Variants in SIL1 observed in about 807,000 individuals in gnomAD.
SIL1 encodes nucleotide exchange factor SIL1.
In SIL1, 40 loss-of-function variants were observed where a neutral mutation model predicts 49.1. The observed-to-expected ratio is 0.81, with a 90% CI of 0.63 to 1.06. The LOEUF (loss-of-function observed/expected upper bound fraction) is 1.06, where lower values mean the gene tolerates loss of function less well. SIL1 is among the 50% of genes least tolerant of loss of function. The pLI, the probability that SIL1 is intolerant of heterozygous loss-of-function variation, is 0.00. For synonymous variants in SIL1, 253 were observed against 250.8 expected (o/e 1.01, Z -0.08); for missense variants, 500 against 572.6 (o/e 0.87, Z 1.29).
chr5:138,989,127 T>C (rs969061680), intron 7 of SIL1, among the ~76,000 whole-genome samples: 4 of 152,220 alleles, frequency 2.6e-5, no homozygotes, highest in Non-Finnish European at 5.9e-5. Context: ...TTTTGAGCCA[T>C]GTGACTGTAT....
At chr5:139,036,925 A>C (rs1402177805) in intron 5 of SIL1, among the ~76,000 whole-genome samples, 2 of 152,132 alleles carry the variant, frequency 1.3e-5, no homozygotes, top group African/African-American at 4.8e-5. Flanking sequence ...TATTCATTAC[A>C]TTGTTCTTTC....
intron 7 of SIL1, among the ~76,000 whole-genome samples, chr5:138,969,459 T>A (rs1767225006): frequency 6.6e-6 from 1 of 152,234 alleles, no homozygotes; most frequent in African/African-American, 2.4e-5. Flanking sequence ...TTTCCATGCC[T>A]CTGTCAGGTC....
chr5:139,013,721 AAG>A (rs1408544414), intron 7 of SIL1: 1 of 152,348 alleles, frequency 6.6e-6, no homozygotes, highest in South Asian at 2.1e-4. Flanking sequence ...TATTTGAACT[AAG>A]AGAGTTTCTT....
At chr5:139,041,040 C>T (rs760059162) in intron 5 of SIL1, among the ~76,000 whole-genome samples, 1 of 152,128 alleles carries the variant, frequency 6.6e-6, no homozygotes. Context: ...ATCAGTCCCA[C>T]ATGGAACCGA....
chr5:139,015,515 C>G (rs527286486), intron 7 of SIL1, among the ~76,000 whole-genome samples: 3 of 152,162 alleles, frequency 2.0e-5, no homozygotes, highest in Admixed American at 1.3e-4. Context: ...TCCAAAATCA[C>G]GAAAGTGGCT....
chr5:139,149,507 C>A (rs768783735), intron 1 of SIL1, among the ~76,000 whole-genome samples: 1 of 152,116 alleles, frequency 6.6e-6, no homozygotes, highest in Non-Finnish European at 1.5e-5. Context: ...TCCACACAGG[C>A]AATGGAGATA....
intron 7 of SIL1, among the ~76,000 whole-genome samples, chr5:139,014,709 G>A (rs1199438903): frequency 6.6e-6 from 1 of 152,150 alleles, no homozygotes. Context: ...AAAGTAATCA[G>A]ACTTTGAATG....
At chr5:139,035,387 C>T (rs1469035579) in intron 5 of SIL1, 1 of 538,644 alleles carries the variant, frequency 1.9e-6, no homozygotes, top group African/African-American at 1.9e-5. Flanking sequence ...TTGGCAGTTC[C>T]TTGAGGGCTT....
chr5:139,120,908 C>T (rs1038158610), intron 3 of SIL1, 127 bp downstream of exon 3: 12 of 1,187,068 alleles, frequency 1.0e-5, no homozygotes, highest in Admixed American at 2.0e-5. Flanking sequence ...ACCACTCTGA[C>T]GGACCATGCT....
chr5:139,096,824 G>A (rs1055627110), intron 3 of SIL1, among the ~76,000 whole-genome samples: 21 of 151,986 alleles, frequency 1.4e-4, no homozygotes, highest in African/African-American at 4.8e-4. Context: ...ACCATGCTGA[G>A]GGCCTTGGGT....
chr5:138,951,735 A>G (rs1403756064), intron 8 of SIL1, 53 bp downstream of exon 8: 1 of 1,520,346 alleles, frequency 6.6e-7, no homozygotes, highest in Non-Finnish European at 9.1e-7. Flanking sequence ...CTTTCCTTTC[A>G]GGCCCCACAC....
chr5:139,009,657 GGT>G (rs1768206707), intron 7 of SIL1, among the ~76,000 whole-genome samples: 1 of 151,294 alleles, frequency 6.6e-6, no homozygotes, highest in South Asian at 2.1e-4. Flanking sequence ...GGGGAGGTCT[GGT>G]GGTGACAAAA....
At chr5:139,102,228 G>A (rs535723746) in intron 3 of SIL1, among the ~76,000 whole-genome samples, 1 of 152,240 alleles carries the variant, frequency 6.6e-6, no homozygotes, top group Admixed American at 6.5e-5. Flanking sequence ...TATGCCTAAG[G>A]CTCACTTTAT....
chr5:139,042,822 G>T, intron 4 of SIL1, 103 bp from the exon 5 acceptor site: 1 of 1,014,616 alleles, frequency 9.9e-7, no homozygotes, highest in Non-Finnish European at 1.6e-6. Flanking sequence ...AGGATACCAA[G>T]ATCCCATCTC....
At chr5:139,114,989 G>A (rs755309183) in intron 3 of SIL1, among the ~76,000 whole-genome samples, 7 of 152,208 alleles carry the variant, frequency 4.6e-5, no homozygotes, top group Non-Finnish European at 8.8e-5. Context: ...GGCATGAAGT[G>A]TCCTGAACCA....
intron 9 of SIL1, among the ~76,000 whole-genome samples, chr5:138,950,861 G>A (rs894259735): frequency 7.9e-5 from 12 of 152,138 alleles, no homozygotes; most frequent in African/African-American, 1.4e-4. Flanking sequence ...TTGTCCCCTC[G>A]GGGCCTGGTC....
At chr5:139,162,104 A>T (rs144612910) in intron 1 of SIL1, among the ~76,000 whole-genome samples, 3 of 152,216 alleles carry the variant, frequency 2.0e-5, no homozygotes, top group African/African-American at 7.2e-5. Context: ...GCTCCCAAAC[A>T]TACAGGCCCT....
intron 7 of SIL1, among the ~76,000 whole-genome samples, chr5:138,981,755 C>A (rs1167818935): frequency 6.6e-6 from 1 of 152,228 alleles, no homozygotes; most frequent in Non-Finnish European, 1.5e-5. Flanking sequence ...GCAAATCTCA[C>A]CCAAGTCAGT....
chr5:139,102,095 G>A (rs1770601126), intron 3 of SIL1, among the ~76,000 whole-genome samples: 1 of 152,168 alleles, frequency 6.6e-6, no homozygotes, highest in South Asian at 2.1e-4. Flanking sequence ...ATTCACTAAT[G>A]AATTATTTAC....
Sources: allele counts gnomAD v4.1 joint callset (sites outside exome capture counted in the v4.1 genomes callset), GRCh38; gene constraint gnomAD v4.1.1; transcripts MANE v1.5; gene names NCBI Gene and HGNC (gene_info 2026-07-23, HGNC 2026-07-21).